The following COL16A1 variants were observed in gnomAD, a reference collection of about 807,000 sequenced individuals.
COL16A1 encodes collagen type XVI alpha 1 chain.
A neutral mutation model predicts 266.3 loss-of-function variants in COL16A1; 189 were observed. The ratio of observed to expected loss-of-function variants is 0.71; its 90% CI spans 0.63 to 0.80. The LOEUF is 0.80. Among genes scored for constraint, COL16A1 ranks in the 30% least tolerant of loss-of-function variants. The probability of loss-of-function intolerance (pLI) is 0.00; values close to 1 mark genes in which losing one functional copy is unlikely to be tolerated. For synonymous variants in COL16A1, 740 were observed against 782.3 expected, an observed-to-expected ratio of 0.95 and a Z score of 0.90; for missense variants, 1,928 against 2,122.4, an observed-to-expected ratio of 0.91 and a Z score of 1.80.
intron 69 of COL16A1, 90 bp downstream of exon 69, chr1:31,653,777 A>C (rs1027096840): frequency 8.3e-6 from 13 of 1,570,358 alleles, no homozygotes; most frequent in Admixed American, 1.8e-5. Flanking sequence ...ACACACACAT[A>C]CATCCCATAT....
chr1:31,652,452 A>T lies in COL16A1; in HGVS notation c.*199T>A, dbSNP rs1640708770. On this transcript the variant is annotated 3_prime_UTR_variant, in exon 71 of 71. Transcript: ENST00000373672. This position sits in a 1 kb window ranked among gnomAD's most constrained non-coding sequence, Gnocchi z 4.8. ...AAACGGGAAAAGGAGGGCAACAGGG[A>T]GCTCTGGCTGCAGCACCAGAGGAAC... The T allele has an allele frequency of 1.8e-6, 1 of 544,686 alleles. No homozygotes were observed. Among genetic ancestry groups the T allele is most frequent in the Non-Finnish European group, 2.8e-6 (1 of 352,160 alleles). The allele number at this position is 544,686 out of a possible 1,614,324, so 33.7% of individuals were successfully genotyped here. A position where few individuals can be genotyped will look rare whatever the true frequency, so the allele number is the denominator to read the frequency against.
chr1:31,653,562 C>T, intron 70 of COL16A1, 37 bp downstream of exon 70: 4 of 1,600,762 alleles, frequency 2.5e-6, no homozygotes, highest in Non-Finnish European at 2.6e-6. Context: ...GTCTCTGCTG[C>T]TCTGGATTCA....
intron 37 of COL16A1, among the ~76,000 whole-genome samples, chr1:31,681,833 G>A (rs1251124480): frequency 6.6e-6 from 1 of 152,178 alleles, no homozygotes. Context: ...CTTTTGCCTG[G>A]GGCTCCCTGG....
At chr1:31,679,490 A>T in intron 42 of COL16A1, 142 bp downstream of exon 42, 1 of 1,613,638 alleles carries the variant, frequency 6.2e-7, no homozygotes, top group Non-Finnish European at 8.5e-7. Context: ...CCACCCTGGG[A>T]GGCAGGTAAA....
In COL16A1 at chr1:31,685,031, T is replaced by C. The variant is rs1385741803; in HGVS notation, c.2017-175A>G. ...AAAGATTTGTGCCAGACTCTTTGCC[T>C]GGGTGACATGAGCAAATTAGCTCAT... On this transcript the variant is annotated intron_variant, in intron 29 of 70. Coordinates refer to ENST00000373672, the MANE Select transcript of COL16A1 (RefSeq NM_001856.4). This position sits in a 1 kb window ranked among gnomAD's most constrained non-coding sequence, Gnocchi z 4.0. 4.6e-5 allele frequency among the ~76,000 whole-genome samples: 7 copies of C among 152,360 alleles called. No homozygotes were observed. Among genetic ancestry groups the C allele is most frequent in the African/African-American group, 1.4e-4 (6 of 41,588 alleles).
At chr1:31,667,249 C>T (rs1642216735) in intron 52 of COL16A1, among the ~76,000 whole-genome samples, 1 of 152,248 alleles carries the variant, frequency 6.6e-6, no homozygotes, top group Admixed American at 6.5e-5. Flanking sequence ...CTCCTGTGCT[C>T]AACGTGGGGC....
At chr1:31,671,794 G>T in intron 47 of COL16A1, 135 bp from the exon 48 acceptor site, 1 of 988,062 alleles carries the variant, frequency 1.0e-6, no homozygotes. Flanking sequence ...GGACCACTTA[G>T]CTGATGTTCG....
chr1:31,653,746 AAC>A (rs3841648), intron 69 of COL16A1, 70 bp from the exon 70 acceptor site: 55,255 of 1,375,750 alleles, frequency 0.04, 410 homozygotes, highest in African/African-American at 0.15. Flanking sequence ...GATTACTTGA[AAC>A]ACACACACAC....
rs1641977847 is a variant in COL16A1 at position 31,664,724 on chromosome 1, G to GCTACCCGCACCC, written c.3555+447_3555+448insGGGTGCGGGTAG. 2.0e-5 allele frequency among the ~76,000 whole-genome samples: 3 copies of GCTACCCGCACCC among 152,162 alleles called. No individual in the cohort carries two copies. The highest frequency in any genetic ancestry group is 2.0e-4 in the Admixed American group (3 of 15,292). The stretch of plus-strand genomic sequence containing the variant: ...GGCCCTTGGGGACAACTGGAGCACG[G>GCTACCCGCACCC]CTACCCAGGAGGAGCCCATTCCCCT... On this transcript the variant is annotated intron_variant, in intron 56 of 70. Transcript: ENST00000373672. The surrounding 1 kb of genome is among the most constrained non-coding windows in gnomAD (Gnocchi z 5.5).
chr1:31,661,691 G>A lies in COL16A1; in HGVS notation c.3695C>T (p.Pro1232Leu), dbSNP rs1443600800. ...TCCCATGAGTCCAGGGGGGCCAGCA[G>A]GACCAGGGTCCCCCTAGGGAAAGAG... ...GKPGLRGDPGPAGPPGLMGPP... is the reference protein window; with the variant it reads ...GKPGLRGDPGLAGPPGLMGPP... The change falls in exon 59 of 71, where the codon CCT becomes CTT. Residue 1232 changes from proline (P) to leucine (L), a missense_variant. Transcript: ENST00000373672. The A allele has an allele frequency of 2.5e-6, 4 of 1,600,304 alleles. No individual in the cohort carries two copies. The Admixed American group carries it at 7.3e-5, about 29-fold the overall frequency.
At position 31,696,074 on chromosome 1, in the gene COL16A1, A is replaced by T; in HGVS notation, c.918+14T>A. The T allele has an allele frequency of 1.9e-6, 2 of 1,064,512 alleles. No individual in the cohort carries two copies. The highest frequency in any genetic ancestry group is 2.7e-6 in the Non-Finnish European group (2 of 745,966). 65.9% of individuals were successfully genotyped at this position (1,064,512 alleles called of 1,614,324 possible). ...TGAGGGCAGGTAGGCTCCTCCCCCC[A>T]CCCCCACCTCTACCTTTGCTCCCCT... is the stretch of plus-strand genomic sequence containing the variant. On this transcript the variant is annotated intron_variant, in intron 9 of 70. Coordinates refer to ENST00000373672, the MANE Select transcript of COL16A1 (RefSeq NM_001856.4).
In COL16A1 at chr1:31,670,354, T is replaced by G; in HGVS notation, c.3195+248A>C. ...AATGGAGAAGGAAGACAGAACGGGG[T>G]AAGAGAGAGAAGAGGAGAGAAAGAA... On this transcript the variant is annotated intron_variant, in intron 49 of 70. Coordinates refer to ENST00000373672, the MANE Select transcript of COL16A1 (RefSeq NM_001856.4). The surrounding 1 kb of genome is among the most constrained non-coding windows in gnomAD (Gnocchi z 4.5). The G allele has an allele frequency of 7.1e-6, 3 of 422,650 alleles. No individual in the cohort carries two copies. Among genetic ancestry groups the G allele is most frequent in the South Asian group, 8.5e-5 (1 of 11,794 alleles). 26.2% of individuals were successfully genotyped at this position (422,650 alleles called of 1,614,324 possible). A position where few individuals can be genotyped will look rare whatever the true frequency, so the allele number is the denominator to read the frequency against.
chr1:31,655,538 A>G (rs1641059085), intron 66 of COL16A1, 36 bp from the exon 67 acceptor site: 5 of 1,609,438 alleles, frequency 3.1e-6, no homozygotes, highest in African/African-American at 1.3e-5. Flanking sequence ...TCAAATTTAC[A>G]TCATGATGTC....
chr1:31,678,525 G>C (rs1164571472), intron 42 of COL16A1, among the ~76,000 whole-genome samples: 1 of 152,202 alleles, frequency 6.6e-6, no homozygotes, highest in Non-Finnish European at 1.5e-5. Context: ...AGCTTGTCCA[G>C]CTGTGACTTA....
chr1:31,687,616 TG>T lies in COL16A1; in HGVS notation c.1803+850del, dbSNP rs1247681040. 3.1e-5 allele frequency among the ~76,000 whole-genome samples: 4 copies of T among 130,156 alleles called. No individual in the cohort carries two copies. The South Asian group carries it at 8.0e-4, about 26-fold the overall frequency. 85.4% of individuals were successfully genotyped at this position (130,156 alleles called of 152,430 possible). On this transcript the variant is annotated intron_variant, in intron 26 of 70. Transcript: ENST00000373672. ...CATGGGCAGAACTGTCAGGACTCGC[TG>T]GGGGGCTAGAGGGAGGGGGCAGCGT... is the stretch of plus-strand genomic sequence containing the variant.
At chr1:31,681,131 G>A in intron 37 of COL16A1, 64 bp from the exon 38 acceptor site, 2 of 1,547,512 alleles carry the variant, frequency 1.3e-6, no homozygotes, top group Non-Finnish European at 8.7e-7. Flanking sequence ...CTGGCCTGCT[G>A]CAGAAAAGGG....
intron 52 of COL16A1, 111 bp from the exon 53 acceptor site, chr1:31,666,192 C>T: frequency 8.3e-7 from 1 of 1,200,138 alleles, no homozygotes; most frequent in Non-Finnish European, 1.2e-6. Flanking sequence ...GCTGGGAGGC[C>T]CCTGGGCTGG....
In COL16A1 at chr1:31,658,508, G is replaced by C. The variant is rs763522147; in HGVS notation, c.4000C>G (p.Pro1334Ala). 19 of 1,604,170 alleles carry C rather than the reference G, an allele frequency of 1.2e-5. No homozygotes were observed. Among genetic ancestry groups the C allele is most frequent in the Middle Eastern group, 1.7e-4 (1 of 6,060 alleles). ...CTTACTGGGGGGCCAGGGTGTCCAG[G>C]GGGGCCGGGCTGGCCTGGGAGGCCT... ...LAGLPGQPGP[P>A]GHPGPPGEPG... The change falls in exon 64 of 71, where the codon CCT becomes GCT. Residue 1334 changes from proline (P) to alanine (A), a missense_variant. Physicochemically the swap from Pro to Ala is conservative, Grantham distance 27. Around this residue, in one of 2 missense-constraint regions of COL16A1, gnomAD observed 376 missense variants for 485.2 expected, o/e 0.77. Transcript: ENST00000373672.
intron 42 of COL16A1, chr1:31,679,362 G>A: frequency 6.7e-7 from 1 of 1,481,922 alleles, no homozygotes; most frequent in South Asian, 1.4e-5. Flanking sequence ...CTGTACCAGG[G>A]TAAGGGATTT....
Sources: allele counts gnomAD v4.1 joint callset (sites outside exome capture counted in the v4.1 genomes callset), GRCh38; gene constraint gnomAD v4.1.1; regional missense constraint gnomAD v4.1.1; non-coding constraint Gnocchi (gnomAD v3.1); transcripts MANE v1.5; gene names NCBI Gene and HGNC (gene_info 2026-07-23, HGNC 2026-07-21).